MGAM: variants seen among roughly 807,000 people sequenced by gnomAD.
The protein encoded by MGAM is alpha-1,4-glucosidase.
MGAM carries 253 observed loss-of-function variants against 358.8 expected under a neutral mutation model. The ratio of observed to expected loss-of-function variants is 0.71; its 90% confidence interval spans 0.64 to 0.78. The LOEUF (loss-of-function observed/expected upper bound fraction) is 0.78, where lower values mean the gene tolerates loss of function less well. Among genes scored for constraint, MGAM ranks in the 30% least tolerant of loss-of-function variants. The pLI is 0.00. For missense variants in MGAM, 3,080 were observed against 3,432.6 expected, an observed-to-expected ratio of 0.90 and a Z score of 2.57; for synonymous variants, 1,105 against 1,227.1, an observed-to-expected ratio of 0.90 and a Z score of 2.08.
At chr7:142,085,183 G>T (rs1814642336) in intron 54 of MGAM, among the ~76,000 whole-genome samples, 2 of 146,550 alleles carry the variant, frequency 1.4e-5, no homozygotes, top group African/African-American at 4.9e-5. Flanking sequence ...CTTCACTGGA[G>T]GATGGGAGGG....
chr7:142,074,265 A>T lies in MGAM; in HGVS notation c.5275+92A>T. On this transcript the variant is annotated intron_variant, in intron 45 of 70. Coordinates refer to ENST00000475668, the MANE Select transcript of MGAM (RefSeq NM_001365693.1). ...TGCTGGTCATTCAGCTGTGGGAGAA[A>T]TCTCAGCAGGCACAGTAGCAAGAGT... The T allele has an allele frequency of 4.2e-6, 4 of 944,316 alleles. 1 individual carries two copies. The highest frequency in any genetic ancestry group is 3.0e-5 in the South Asian group (2 of 67,006). The allele number at this position is 944,316 out of a possible 1,614,324, so 58.5% of individuals were successfully genotyped here.
intron 49 of MGAM, 132 bp from the exon 50 acceptor site, chr7:142,080,659 C>A: frequency 3.6e-6 from 3 of 835,810 alleles, no homozygotes; most frequent in Non-Finnish European, 5.4e-6. Flanking sequence ...TTAATTAAAT[C>A]TCAGACATCA....
rs187030205 is a variant in MGAM at position 142,079,391 on chromosome 7, G to A, written c.5847+383G>A. ...GTCTGGTGCTTGATTGAAAGCAGGC[G>A]ACAATGGAGAGGGAAGCATCAAGAA... On this transcript the variant is annotated intron_variant, in intron 49 of 70. Transcript: ENST00000475668. Among the ~76,000 whole-genome samples, 55 of 145,550 alleles carry A rather than the reference G, an allele frequency of 3.8e-4. 1 individual carries two copies. Among genetic ancestry groups the A allele is most frequent in the African/African-American group, 1.2e-3 (48 of 41,112 alleles).
intron 42 of MGAM, among the ~76,000 whole-genome samples, chr7:142,067,937 T>TATATATATATATATATATATTTAA (rs1812910221): frequency 2.9e-5 from 1 of 34,012 alleles, no homozygotes; most frequent in African/African-American, 9.3e-5. Flanking sequence ...CTCCCTCAAA[T>TATATATATATATATATATATTTAA]ATATATATAT....
intron 24 of MGAM, 41 bp downstream of exon 24, chr7:142,050,905 C>T: frequency 1.2e-6 from 2 of 1,612,200 alleles, no homozygotes; most frequent in Non-Finnish European, 1.7e-6. Flanking sequence ...TGAGAATTCT[C>T]CATAGCATCG....
At chr7:142,043,049 ATC>A (rs1477540743) in intron 21 of MGAM, among the ~76,000 whole-genome samples, 5 of 92,898 alleles carry the variant, frequency 5.4e-5, no homozygotes, top group African/African-American at 2.7e-4. Flanking sequence ...TAAATATAAT[ATC>A]TATATTATAT....
rs777464142 is a variant in MGAM, at chr7:142,055,570, G to A, written c.3327G>A (p.Gln1109=). 5 of 1,613,784 alleles carry A rather than the reference G, an allele frequency of 3.1e-6. No homozygotes were observed. The highest frequency in any genetic ancestry group is 4.2e-6 in the Non-Finnish European group (5 of 1,179,856). Residue 1109 remains glutamine (Q), a synonymous_variant, in exon 28 of 71, where the codon CAG becomes CAA. Transcript: ENST00000475668. ...KSTGTIIWDS[Q]LLGFTFSDMF... Reference sequence around the variant, plus strand: ...TTTTGTGTTTCAGTTGGGACTCTCAGCTCCTTGGCTTTACCTTCAGTGACA... The same window carrying A: ...TTTTGTGTTTCAGTTGGGACTCTCAACTCCTTGGCTTTACCTTCAGTGACA...
At chr7:142,048,852 A>C (rs1488539817) in intron 22 of MGAM, among the ~76,000 whole-genome samples, 1 of 152,208 alleles carries the variant, frequency 6.6e-6, no homozygotes, top group Non-Finnish European at 1.5e-5. Context: ...AAATATATTC[A>C]AAGTGGACAA....
Position 142,086,207 on chromosome 7 carries a change from T to C in MGAM, c.6637-11T>C. On this transcript the variant is annotated splice_polypyrimidine_tract_variant and intron_variant, in intron 55 of 70. Transcript: ENST00000475668. ...TTGATTTTTCCCAACTGACTTATGCTTTGATTTCAGGATCCAGCCATTTCT... is the reference window on the plus strand; with the variant it reads ...TTGATTTTTCCCAACTGACTTATGCCTTGATTTCAGGATCCAGCCATTTCT... 1 of 1,524,008 alleles carries C rather than the reference T, an allele frequency of 6.6e-7. No individual in the cohort carries two copies. Among genetic ancestry groups the C allele is most frequent in the African/African-American group, 1.3e-5 (1 of 74,206 alleles). 94.4% of individuals were successfully genotyped at this position (1,524,008 alleles called of 1,614,324 possible).
chr7:142,041,954 ATATAATATATATATATTATAT>A (rs1563144940), intron 21 of MGAM, among the ~76,000 whole-genome samples: 7 of 19,506 alleles, frequency 3.6e-4, no homozygotes, highest in Admixed American at 1.2e-3. Context: ...ATATACATAT[ATATAATATATATATATTATAT>A]ATATATAATA....
At chr7:142,077,456 G>A (rs1367908327) in intron 47 of MGAM, among the ~76,000 whole-genome samples, 1 of 145,494 alleles carries the variant, frequency 6.9e-6, no homozygotes, top group African/African-American at 2.4e-5. Flanking sequence ...CCAGACGTGT[G>A]AGAACTTTAA....
At chr7:142,047,059 C>T (rs1408225500) in intron 21 of MGAM, among the ~76,000 whole-genome samples, 1 of 152,046 alleles carries the variant, frequency 6.6e-6, no homozygotes, top group African/African-American at 2.4e-5. Context: ...TGAAAGAATA[C>T]AATGGAGAAT....
intron 66 of MGAM, 43 bp downstream of exon 66, chr7:142,097,692 A>C: frequency 6.4e-7 from 1 of 1,553,772 alleles, no homozygotes; most frequent in Admixed American, 1.7e-5. Flanking sequence ...AAAATGGTAG[A>C]GAGTACAAAG....
chr7:142,073,335 A>G (rs1390759407), intron 44 of MGAM, among the ~76,000 whole-genome samples: 1 of 146,202 alleles, frequency 6.8e-6, no homozygotes, highest in African/African-American at 2.4e-5. Flanking sequence ...GCATAGTGAA[A>G]GGCTGAACTG....
chr7:142,097,226 C>T (rs1310719915), intron 65 of MGAM, among the ~76,000 whole-genome samples: 4 of 152,124 alleles, frequency 2.6e-5, no homozygotes, highest in African/African-American at 4.8e-5. Context: ...CGTGAGCCAC[C>T]GTGTCCAGCC....
At chr7:141,995,956 T>G (rs1180923226) in intron 1 of MGAM, 26 bp downstream of exon 1, 4 of 152,172 alleles carry the variant, frequency 2.6e-5, no homozygotes, top group Non-Finnish European at 5.9e-5. Flanking sequence ...TTGTATTCTT[T>G]TACGGTTACA....
At chr7:142,103,191 C>A in intron 69 of MGAM, 78 bp from the exon 70 acceptor site, 2 of 1,202,538 alleles carry the variant, frequency 1.7e-6, no homozygotes, top group Non-Finnish European at 2.3e-6. Flanking sequence ...TTATGACCTA[C>A]ATTTGTGCCT....
chr7:142,104,037 A>G (rs1463580680), intron 70 of MGAM, among the ~76,000 whole-genome samples: 1 of 152,016 alleles, frequency 6.6e-6, no homozygotes, highest in African/African-American at 2.4e-5. Context: ...TATTTTTAGT[A>G]GAGACAGGTT....
intron 45 of MGAM, among the ~76,000 whole-genome samples, chr7:142,075,769 A>G (rs1323742427): frequency 6.8e-6 from 1 of 146,162 alleles, no homozygotes; most frequent in Non-Finnish European, 1.6e-5. Context: ...TGGAAATCAT[A>G]AAAAAGAAAG....
Sources: gnomAD v4.1 joint callset for allele counts (sites outside exome capture counted in the v4.1 genomes callset) on GRCh38, gnomAD v4.1.1 for gene constraint, MANE v1.5 for transcripts, NCBI Gene and HGNC (gene_info 2026-07-23, HGNC 2026-07-21) for gene names.